P2RY2: variants seen among roughly 807,000 people sequenced by gnomAD.
The protein encoded by P2RY2 is purinergic receptor P2Y2, also known as P2Y purinoceptor 2.
For synonymous variants in P2RY2, 241 were observed against 231.9 expected (o/e 1.04, Z -0.35); for missense variants, 567 against 515.7 (o/e 1.10, Z -0.96).
rs1330817267 is a variant in P2RY2, at chr11:73,237,424, T to G, written c.*2131T>G. 2.6e-5 allele frequency among the ~76,000 whole-genome samples: 4 copies of G among 152,116 alleles called. No individual in the cohort carries two copies. The highest frequency in any genetic ancestry group is 2.1e-4 in the South Asian group (1 of 4,822). On this transcript the variant is annotated 3_prime_UTR_variant, in exon 3 of 3. Coordinates refer to ENST00000393597, the MANE Select transcript of P2RY2 (RefSeq NM_002564.4). ...CACCACACCTGGCTAATTTTTGTAT[T>G]TTTAATAGAGACAGGGTTTCGCCAT...
Position 73,237,927 on chromosome 11 carries a change from C to T in P2RY2, c.*2634C>T, listed in dbSNP as rs546075733. Reference sequence around the variant, plus strand: ...CTGCCCTCAAAATATCTCCTATTACCCTCCAATATTCCCTGCCCCCTTCAC... The same window carrying T: ...CTGCCCTCAAAATATCTCCTATTACTCTCCAATATTCCCTGCCCCCTTCAC... On this transcript the variant is annotated 3_prime_UTR_variant, in exon 3 of 3. Coordinates refer to ENST00000393597, the MANE Select transcript of P2RY2 (RefSeq NM_002564.4). Among the ~76,000 whole-genome samples the T allele has an allele frequency of 6.6e-6, 1 of 152,192 alleles. No individual in the cohort carries two copies. Among genetic ancestry groups the T allele is most frequent in the Non-Finnish European group, 1.5e-5 (1 of 68,026 alleles).
chr11:73,233,560 C>G (rs1007697419), intron 2 of P2RY2, among the ~76,000 whole-genome samples: 1 of 152,236 alleles, frequency 6.6e-6, no homozygotes, highest in African/African-American at 2.4e-5. Flanking sequence ...GATTCTAGAG[C>G]TCAGAATCCT....
chr11:73,224,468 T>C (rs1862219875), intron 1 of P2RY2, among the ~76,000 whole-genome samples: 1 of 152,226 alleles, frequency 6.6e-6, no homozygotes, highest in African/African-American at 2.4e-5. Flanking sequence ...AGGGGCCTCC[T>C]TGGCTTCCTC....
At chr11:73,227,346 CTGTGTG>C (rs145168039) in intron 1 of P2RY2, among the ~76,000 whole-genome samples, 3 of 149,756 alleles carry the variant, frequency 2.0e-5, no homozygotes, top group Admixed American at 6.7e-5. Flanking sequence ...ATGGTCTAGA[CTGTGTG>C]TGTGTGTGTG....
chr11:73,234,710 A>G lies in P2RY2; in HGVS notation c.551A>G (p.His184Arg). ...GCGCGCGGGGGCCGCGTAACCTGCC[A>G]CGACACCTCGGCACCCGAGCTCTTC... ...TSARGGRVTC[H>R]DTSAPELFSR... is the part of the protein sequence containing the mutation. The change falls in exon 3 of 3, where the codon CAC becomes CGC. Residue 184 changes from histidine (H) to arginine (R), a missense_variant. By Grantham distance (29) the His-to-Arg change is conservative (BLOSUM62 0). Coordinates refer to ENST00000393597, the MANE Select transcript of P2RY2 (RefSeq NM_002564.4). 1 of 1,607,662 alleles carries G rather than the reference A, an allele frequency of 6.2e-7. No individual in the cohort carries two copies. Among genetic ancestry groups the G allele is most frequent in the Non-Finnish European group, 8.5e-7 (1 of 1,178,820 alleles).
chr11:73,236,105 A>G lies in P2RY2; in HGVS notation c.*812A>G, dbSNP rs1433220165. On this transcript the variant is annotated 3_prime_UTR_variant, in exon 3 of 3. Transcript: ENST00000393597. ...CTCTCCAGGCCCCAGGTCATCCCCC[A>G]CTGTAAAGCCAGTTGGCTTCTGTGC... 3 of 999,002 alleles carry G rather than the reference A, an allele frequency of 3.0e-6. No homozygotes were observed. Among genetic ancestry groups the G allele is most frequent in the Admixed American group, 1.2e-4 (2 of 16,250 alleles). The allele number at this position is 999,002 out of a possible 1,614,324, so 61.9% of individuals were successfully genotyped here.
chr11:73,231,011 T>C (rs1257462510), intron 2 of P2RY2, among the ~76,000 whole-genome samples: 1 of 152,120 alleles, frequency 6.6e-6, no homozygotes, highest in Non-Finnish European at 1.5e-5. Flanking sequence ...CAGCAGGAAC[T>C]GTCCTGACCC....
At chr11:73,230,122 C>A (rs1283103370) in intron 2 of P2RY2, among the ~76,000 whole-genome samples, 1 of 152,012 alleles carries the variant, frequency 6.6e-6, no homozygotes, top group Non-Finnish European at 1.5e-5. Context: ...CGCAAGGGGG[C>A]CTCTCCTTGC....
intron 1 of P2RY2, among the ~76,000 whole-genome samples, chr11:73,226,045 A>G (rs1253421933): frequency 6.6e-6 from 1 of 152,226 alleles, no homozygotes; most frequent in Non-Finnish European, 1.5e-5. Context: ...GGAGGCACGG[A>G]GGCCAGTGAG....
chr11:73,235,164 G>C lies in P2RY2; in HGVS notation c.1005G>C (p.Arg335Ser). ...GPSPATPARR[R>S]LGLRRSDRTD... is the part of the protein sequence containing the mutation. ...GCCCTGCCACCCCGGCTCGCCGCAGGCTGGGCCTGCGCAGATCCGACAGAA... is the reference window on the plus strand; with the variant it reads ...GCCCTGCCACCCCGGCTCGCCGCAGCCTGGGCCTGCGCAGATCCGACAGAA... Residue 335 changes from arginine to serine, a missense_variant, in exon 3 of 3, where the codon AGG (arginine) becomes AGC (serine). Arg to Ser is a moderately radical substitution (Grantham distance 110). Coordinates refer to ENST00000393597, the MANE Select transcript of P2RY2 (RefSeq NM_002564.4). 2 of 1,609,154 alleles carry C rather than the reference G, an allele frequency of 1.2e-6. No individual in the cohort carries two copies. Among genetic ancestry groups the C allele is most frequent in the Non-Finnish European group, 1.7e-6 (2 of 1,179,530 alleles).
At chr11:73,221,993 C>T (rs1034999812) in intron 1 of P2RY2, among the ~76,000 whole-genome samples, 1 of 152,172 alleles carries the variant, frequency 6.6e-6, no homozygotes, top group Non-Finnish European at 1.5e-5. Context: ...CACCCCATCA[C>T]CCCATCTCCT....
Position 73,234,622 on chromosome 11 carries a change from G to C in P2RY2, c.463G>C (p.Gly155Arg). The part of the protein sequence containing the change: ...GRARYARRVA[G>R]AVWVLVLACQ... ...GGCCCGCTACGCTCGCCGGGTGGCC[G>C]GGGCCGTGTGGGTGTTGGTGCTGGC... The change falls in exon 3 of 3, where the codon GGG becomes CGG. Residue 155 changes from glycine to arginine, a missense_variant. By Grantham distance (125) the Gly-to-Arg change is moderately radical. Transcript: ENST00000393597. The C allele has an allele frequency of 1.3e-6, 2 of 1,567,370 alleles. No homozygotes were observed. The highest frequency in any genetic ancestry group is 8.7e-7 in the Non-Finnish European group (1 of 1,156,044).
chr11:73,224,032 G>C (rs1245185852), intron 1 of P2RY2, among the ~76,000 whole-genome samples: 1 of 152,144 alleles, frequency 6.6e-6, no homozygotes, highest in African/African-American at 2.4e-5. Flanking sequence ...AAGAGGGAGA[G>C]AACATCTGGG....
At position 73,231,392 on chromosome 11, in the gene P2RY2, CAAA is replaced by C. The variant is rs201697252; in HGVS notation, c.-4-2748_-4-2746del. The stretch of plus-strand genomic sequence containing the variant: ...AAAACCCCATCTCTACTAAAAAATA[CAAA>C]AAAAAAAAAAAAAAAGCTAGGTGAG... On this transcript the variant is annotated intron_variant, in intron 2 of 2. Transcript: ENST00000393597. 4.1e-3 allele frequency among the ~76,000 whole-genome samples: 451 copies of C among 110,494 alleles called. 5 individuals carry two copies. The highest frequency in any genetic ancestry group is 0.019 in the South Asian group (68 of 3,556). The allele number at this position is 110,494 out of a possible 152,430, so 72.5% of individuals were successfully genotyped here. A position where few individuals can be genotyped will look rare whatever the true frequency, so the allele number is the denominator to read the frequency against.
intron 2 of P2RY2, among the ~76,000 whole-genome samples, chr11:73,230,979 G>T (rs1385518416): frequency 6.6e-6 from 1 of 152,114 alleles, no homozygotes; most frequent in East Asian, 1.9e-4. Context: ...GCAACAAGAG[G>T]TAGAGCCTGG....
chr11:73,219,322 C>A (rs1406711415), intron 1 of P2RY2, among the ~76,000 whole-genome samples: 1 of 152,226 alleles, frequency 6.6e-6, no homozygotes, highest in African/African-American at 2.4e-5. Context: ...GAAGAAGATT[C>A]TCTGAGCAGA....
chr11:73,237,110 G>C lies in P2RY2; in HGVS notation c.*1817G>C. 1.0e-6 allele frequency: 1 copy of C among 985,366 alleles called. No homozygotes were observed. Among genetic ancestry groups the C allele is most frequent in the Non-Finnish European group, 1.2e-6 (1 of 829,906 alleles). 61.0% of individuals were successfully genotyped at this position (985,366 alleles called of 1,614,324 possible). On this transcript the variant is annotated 3_prime_UTR_variant, in exon 3 of 3. Coordinates refer to ENST00000393597, the MANE Select transcript of P2RY2 (RefSeq NM_002564.4). ...GACTCCACAGCGCCCTCATGTGACA[G>C]AGACCCATCACAGACCATGACCCAA...
intron 1 of P2RY2, among the ~76,000 whole-genome samples, chr11:73,224,824 C>T (rs1192538849): frequency 6.6e-6 from 1 of 152,144 alleles, no homozygotes; most frequent in East Asian, 1.9e-4. Context: ...ACCCTCCATG[C>T]CTTCTTTACC....
chr11:73,236,296 CA>C lies in P2RY2; in HGVS notation c.*1008del. ...TGTAGAACTGCCCATTTCCATGGTGCAAAAACTCTTATGGCCAAATTCAAAC... is the reference window on the plus strand; with the variant it reads ...TGTAGAACTGCCCATTTCCATGGTGCAAAACTCTTATGGCCAAATTCAAAC... On this transcript the variant is annotated 3_prime_UTR_variant, in exon 3 of 3. Coordinates refer to ENST00000393597, the MANE Select transcript of P2RY2 (RefSeq NM_002564.4). 1.7e-6 allele frequency: 1 copy of C among 574,358 alleles called. No individual in the cohort carries two copies. Among genetic ancestry groups the C allele is most frequent in the Non-Finnish European group, 2.3e-6 (1 of 440,316 alleles). The allele number at this position is 574,358 out of a possible 1,614,324, so 35.6% of individuals were successfully genotyped here. A position where few individuals can be genotyped will look rare whatever the true frequency, so the allele number is the denominator to read the frequency against.
Sources: gnomAD v4.1 joint callset for allele counts (sites outside exome capture counted in the v4.1 genomes callset) on GRCh38, gnomAD v4.1.1 for gene constraint, MANE v1.5 for transcripts, NCBI Gene and HGNC (gene_info 2026-07-23, HGNC 2026-07-21) for gene names.